The following USB1 variants were observed in gnomAD, a reference collection of about 807,000 sequenced individuals.
USB1 encodes the protein U6 snRNA biogenesis phosphodiesterase 1.
In USB1, 21 loss-of-function variants were observed where a neutral mutation model predicts 29.9. That is an observed-to-expected ratio of 0.70 (90% confidence interval 0.50 to 1.01). The LOEUF is 1.01. USB1 is among the 50% of genes least tolerant of loss of function. USB1 has a pLI of 0.00. For synonymous variants in USB1, 143 were observed against 134.9 expected, an observed-to-expected ratio of 1.06 and a Z score of -0.42; for missense variants, 330 against 347.1, an observed-to-expected ratio of 0.95 and a Z score of 0.39.
intron 4 of USB1, 61 bp from the exon 5 acceptor site, chr16:58,017,273 G>A: frequency 6.7e-7 from 1 of 1,497,796 alleles, no homozygotes; most frequent in Non-Finnish European, 9.3e-7. Context: ...CTGCTCGGCT[G>A]CGCAGATGGC....
At chr16:58,002,146 T>A (rs1156456410) in intron 1 of USB1, among the ~76,000 whole-genome samples, 1 of 152,188 alleles carries the variant, frequency 6.6e-6, no homozygotes, top group Non-Finnish European at 1.5e-5. Context: ...GATGAGGCAT[T>A]TGAGGCCCAG....
chr16:58,008,673 G>A (rs1216397854), intron 2 of USB1, among the ~76,000 whole-genome samples: 4 of 151,546 alleles, frequency 2.6e-5, no homozygotes, highest in Admixed American at 1.3e-4. Flanking sequence ...GGCTGGTCTC[G>A]AACTCCTGAC....
chr16:58,013,556 G>A lies in USB1; in HGVS notation c.450-717G>A. Reference sequence around the variant, plus strand: ...AAGGACAGAACCAGTCCAAGTCAAAGCACTTACCTAGCTGAGCCTGACTCT... The same window carrying A: ...AAGGACAGAACCAGTCCAAGTCAAAACACTTACCTAGCTGAGCCTGACTCT... On this transcript the variant is annotated intron_variant, in intron 3 of 6. Transcript: ENST00000219281. This position sits in a 1 kb window ranked among gnomAD's most constrained non-coding sequence, Gnocchi z 4.3. 1 of 957,296 alleles carries A rather than the reference G, an allele frequency of 1.0e-6. No homozygotes were observed. Among genetic ancestry groups the A allele is most frequent in the Non-Finnish European group, 1.2e-6 (1 of 826,048 alleles). The allele number at this position is 957,296 out of a possible 1,614,324, so 59.3% of individuals were successfully genotyped here. A position where few individuals can be genotyped will look rare whatever the true frequency, so the allele number is the denominator to read the frequency against.
Position 58,009,938 on chromosome 16 carries a change from A to G in USB1, c.275A>G (p.Lys92Arg). ...TACTCCTCCCCTCCAGATGAAGCCAAGGAGGAGTTCCTGGATCTGCTTGAT... is the reference window on the plus strand; with the variant it reads ...TACTCCTCCCCTCCAGATGAAGCCAGGGAGGAGTTCCTGGATCTGCTTGAT... ...ATHVYVPYEAKEEFLDLLDVL... is the reference protein window; with the variant it reads ...ATHVYVPYEAREEFLDLLDVL... Residue 92 changes from lysine (K) to arginine (R), a missense_variant, in exon 3 of 7, where the codon AAG (lysine) becomes AGG (arginine). Physicochemically the swap from Lys to Arg is conservative, Grantham distance 26. Transcript: ENST00000219281. The G allele has an allele frequency of 6.2e-7, 1 of 1,613,848 alleles. No homozygotes were observed. The highest frequency in any genetic ancestry group is 1.3e-5 in the African/African-American group (1 of 74,934).
At chr16:58,004,053 G>T (rs1052176776) in intron 2 of USB1, among the ~76,000 whole-genome samples, 1 of 152,104 alleles carries the variant, frequency 6.6e-6, no homozygotes, top group African/African-American at 2.4e-5. Flanking sequence ...TTTCTCCTAT[G>T]TTATCTTTCA....
At chr16:58,011,678 G>A (rs1963500094) in intron 3 of USB1, 1 of 987,878 alleles carries the variant, frequency 1.0e-6, no homozygotes, top group Admixed American at 6.0e-5. Flanking sequence ...TCCATCCAGA[G>A]ATCAGTTGGT....
chr16:58,001,449 G>A lies in USB1; in HGVS notation c.-35G>A. ...ACTCCGGGTGCCGGTTGAGGTTGCT[G>A]GTGGACCTGCTCTGGTGGTCTTGGA... On this transcript the variant is annotated 5_prime_UTR_variant, in exon 1 of 7. Coordinates refer to ENST00000219281, the MANE Select transcript of USB1 (RefSeq NM_024598.4). The A allele has an allele frequency of 1.3e-6, 2 of 1,572,756 alleles. No homozygotes were observed. Among genetic ancestry groups the A allele is most frequent in the South Asian group, 1.2e-5 (1 of 85,836 alleles).
intron 2 of USB1, among the ~76,000 whole-genome samples, chr16:58,008,919 T>G (rs1483353549): frequency 6.6e-6 from 1 of 152,236 alleles, no homozygotes; most frequent in Non-Finnish European, 1.5e-5. Flanking sequence ...TATTTAGAAG[T>G]GTGTTTTTTA....
rs56262437 is a variant in USB1, at chr16:58,008,453, C to CTT, written c.266-1459_266-1458dup. On this transcript the variant is annotated intron_variant, in intron 2 of 6. Coordinates refer to ENST00000219281, the MANE Select transcript of USB1 (RefSeq NM_024598.4). ...ATTGACTTTAGATCTTTTTCTTTTT[C>CTT]TTTTTTTTTTTTTTTTTTGTGAGGG... Among the ~76,000 whole-genome samples the CTT allele has an allele frequency of 2.7e-3, 313 of 115,178 alleles. 3 individuals are homozygous for CTT. Among genetic ancestry groups the CTT allele is most frequent in the African/African-American group, 8.8e-3 (277 of 31,590 alleles). The allele number at this position is 115,178 out of a possible 152,430, so 75.6% of individuals were successfully genotyped here. A position where few individuals can be genotyped will look rare whatever the true frequency, so the allele number is the denominator to read the frequency against.
In USB1 at chr16:58,021,463, T is replaced by G. The variant is rs1963737641; in HGVS notation, c.*1218T>G. On this transcript the variant is annotated 3_prime_UTR_variant, in exon 7 of 7. Transcript: ENST00000219281. ...GGCAACGTGGAGGAAGGGCCAGGGA[T>G]GCATGGGATTTTAATTGTTTCATCA... The G allele has an allele frequency of 1.3e-5, 2 of 152,264 alleles. No individual in the cohort carries two copies. Among genetic ancestry groups the G allele is most frequent in the South Asian group, 4.1e-4 (2 of 4,836 alleles). 9.4% of individuals were successfully genotyped at this position (152,264 alleles called of 1,614,324 possible). A position where few individuals can be genotyped will look rare whatever the true frequency, so the allele number is the denominator to read the frequency against.
upstream of USB1, chr16:58,001,388 GC>G: frequency 6.9e-7 from 1 of 1,444,366 alleles, no homozygotes; most frequent in Non-Finnish European, 9.5e-7. Flanking sequence ...GCCAGCCCAG[GC>G]CCCGCCCCTG....
Position 58,020,685 on chromosome 16 carries a change from CCTCT to C in USB1, c.*447_*450del, listed in dbSNP as rs1211450542. The C allele has an allele frequency of 3.7e-6, 1 of 269,908 alleles. No homozygotes were observed. Among genetic ancestry groups the C allele is most frequent in the South Asian group, 3.9e-5 (1 of 25,910 alleles). The allele number at this position is 269,908 out of a possible 1,614,324, so 16.7% of individuals were successfully genotyped here. On this transcript the variant is annotated 3_prime_UTR_variant, in exon 7 of 7. Coordinates refer to ENST00000219281, the MANE Select transcript of USB1 (RefSeq NM_024598.4). ...CTTCCCTTCCTGTCTCTCTTCCCCT[CCTCT>C]CTCTCTTCCTGTCCTCTATCTCTTC...
intron 5 of USB1, 76 bp from the exon 6 acceptor site, chr16:58,018,896 C>A: frequency 6.9e-7 from 1 of 1,450,852 alleles, no homozygotes; most frequent in Non-Finnish European, 9.6e-7. Context: ...CACGACAGCT[C>A]TGTCACAGAC....
intron 2 of USB1, among the ~76,000 whole-genome samples, chr16:58,005,221 C>T (rs1350696970): frequency 6.6e-6 from 1 of 152,154 alleles, no homozygotes; most frequent in Admixed American, 6.5e-5. Flanking sequence ...GTTAGGCCTC[C>T]AGATAACTGC....
intron 3 of USB1, chr16:58,012,460 C>A: frequency 8.5e-7 from 1 of 1,170,266 alleles, no homozygotes; most frequent in Non-Finnish European, 1.2e-6. Flanking sequence ...TCAGATGGCA[C>A]CTGACTGTCA....
At chr16:58,006,895 T>C (rs1963373510) in intron 2 of USB1, among the ~76,000 whole-genome samples, 1 of 152,218 alleles carries the variant, frequency 6.6e-6, no homozygotes, top group East Asian at 1.9e-4. Flanking sequence ...TCCCCTCTAT[T>C]CCTAGTTTTC....
Position 58,017,431 on chromosome 16 carries a change from T to C in USB1, c.601T>C (p.Phe201Leu). 6.2e-7 allele frequency: 1 copy of C among 1,613,890 alleles called. No homozygotes were observed. The highest frequency in any genetic ancestry group is 8.5e-7 in the Non-Finnish European group (1 of 1,179,756). Residue 201 changes from phenylalanine to leucine, a missense_variant, in exon 5 of 7, where the codon TTC becomes CTC. By Grantham distance (22) the Phe-to-Leu change is conservative. Coordinates refer to ENST00000219281, the MANE Select transcript of USB1 (RefSeq NM_024598.4). ...CATGGAGGAATTCAACCTCACCACT[T>C]TCTACCAGGTAATGAATGGGGCTGC... is the stretch of plus-strand genomic sequence containing the variant. ...RVMEEFNLTT[F>L]YQDPSFHLSL...
chr16:58,014,362 A>C, intron 4 of USB1, 36 bp downstream of exon 4: 3 of 1,583,816 alleles, frequency 1.9e-6, no homozygotes, highest in Non-Finnish European at 2.6e-6. Context: ...CATCAGAGGA[A>C]GATTCTTTGG....
At chr16:58,017,269 G>A (rs1421560236) in intron 4 of USB1, 65 bp from the exon 5 acceptor site, 24 of 1,471,944 alleles carry the variant, frequency 1.6e-5, no homozygotes, top group East Asian at 4.5e-5. Flanking sequence ...GCTCCTGCTC[G>A]GCTGCGCAGA....
Sources: allele counts gnomAD v4.1 joint callset (sites outside exome capture counted in the v4.1 genomes callset), GRCh38; gene constraint gnomAD v4.1.1; non-coding constraint Gnocchi (gnomAD v3.1); transcripts MANE v1.5; gene names NCBI Gene and HGNC (gene_info 2026-07-23, HGNC 2026-07-21).